The following NHSL1 variants were observed in gnomAD, a reference collection of about 807,000 sequenced individuals.
NHSL1 encodes NHS-like protein 1.
Under a neutral mutation model 95.0 loss-of-function variants are expected in NHSL1, and 48 were observed. The ratio of observed to expected loss-of-function variants is 0.51; its 90% CI spans 0.40 to 0.64. NHSL1 has a LOEUF of 0.64. Among genes scored for constraint, NHSL1 ranks in the 30% least tolerant of loss-of-function variants. The pLI is 0.00. For missense variants in NHSL1, 1,971 were observed against 2,077.7 expected (o/e 0.95, Z 1.00); for synonymous variants, 783 against 833.9 (o/e 0.94, Z 1.05).
chr6:138,651,926 A>C (rs1243033622), intron 1 of NHSL1, among the ~76,000 whole-genome samples: 4 of 152,200 alleles, frequency 2.6e-5, no homozygotes, highest in Non-Finnish European at 5.9e-5. Flanking sequence ...CCTAAATTTA[A>C]AGTAACACAA....
At chr6:138,653,086 T>C (rs531765330) in intron 1 of NHSL1, among the ~76,000 whole-genome samples, 67 of 152,336 alleles carry the variant, frequency 4.4e-4, no homozygotes, top group African/African-American at 1.5e-3. Context: ...AGAGTCAAGT[T>C]CAGTAACTGC....
At chr6:138,482,488 C>G in intron 2 of NHSL1, among the ~76,000 whole-genome samples, 1 of 149,068 alleles carries the variant, frequency 6.7e-6, no homozygotes, top group East Asian at 2.0e-4. Context: ...GTTATCTAGA[C>G]TTATACCACC....
chr6:138,553,017 C>T (rs890594985), intron 1 of NHSL1, among the ~76,000 whole-genome samples: 7 of 152,060 alleles, frequency 4.6e-5, no homozygotes, highest in Non-Finnish European at 1.0e-4. Flanking sequence ...ACCTTCACAC[C>T]TATTACATCT....
chr6:138,432,936 T>C lies in NHSL1; in HGVS notation c.1409A>G (p.His470Arg), dbSNP rs1254278825. 2 of 1,551,410 alleles carry C rather than the reference T, an allele frequency of 1.3e-6. No homozygotes were observed. The highest frequency in any genetic ancestry group is 1.7e-4 in the Middle Eastern group (1 of 5,990). ...VKGDPQSPGR[H>R]WNEGHATILS... ...AATGGTGGCATGGCCCTCATTCCAGTGGCGACCGGGAGACTGAGGATCACC... is the reference window on the plus strand; with the variant it reads ...AATGGTGGCATGGCCCTCATTCCAGCGGCGACCGGGAGACTGAGGATCACC... Residue 470 changes from histidine (H) to arginine (R), a missense_variant, in exon 6 of 8, where the codon CAC becomes CGC. His to Arg is a conservative substitution (Grantham distance 29). Transcript: ENST00000343505. This position sits in a 1 kb window ranked among gnomAD's most constrained non-coding sequence, Gnocchi z 4.4.
At chr6:138,629,436 G>T (rs1784787541) in intron 1 of NHSL1, among the ~76,000 whole-genome samples, 1 of 150,894 alleles carries the variant, frequency 6.6e-6, no homozygotes, top group Non-Finnish European at 1.5e-5. Context: ...AGGCTGGAGT[G>T]CAGTGTCGCG....
At chr6:138,478,012 CTTTTTTTTTTT>C (rs71009589) in intron 2 of NHSL1, among the ~76,000 whole-genome samples, 8 of 30,016 alleles carry the variant, frequency 2.7e-4, no homozygotes, top group South Asian at 1.2e-3. Context: ...ATTTATGTCA[CTTTTTTTTTTT>C]TTTTTTTTTT....
At chr6:138,655,537 C>T (rs776277436) in intron 1 of NHSL1, among the ~76,000 whole-genome samples, 1 of 152,188 alleles carries the variant, frequency 6.6e-6, no homozygotes, top group Admixed American at 6.5e-5. Flanking sequence ...AGACACCTAA[C>T]TTGGCATGAC....
At chr6:138,607,000 G>A (rs370964961) in intron 1 of NHSL1, among the ~76,000 whole-genome samples, 13 of 152,050 alleles carry the variant, frequency 8.5e-5, no homozygotes, top group Admixed American at 6.6e-4. Flanking sequence ...CTCCACGCCC[G>A]GCCCCCATGC....
chr6:138,670,751 A>T (rs1225267008), intron 1 of NHSL1, among the ~76,000 whole-genome samples: 1 of 152,138 alleles, frequency 6.6e-6, no homozygotes, highest in Non-Finnish European at 1.5e-5. Context: ...GCAGGATGTT[A>T]TATAAAAGAA....
intron 1 of NHSL1, among the ~76,000 whole-genome samples, chr6:138,621,489 C>T (rs1415888769): frequency 2.0e-5 from 3 of 151,084 alleles, no homozygotes; most frequent in Non-Finnish European, 2.9e-5. Context: ...TTTTTTCCCC[C>T]CAAGATGTAG....
At chr6:138,599,648 T>A (rs1008614204) in intron 1 of NHSL1, among the ~76,000 whole-genome samples, 2 of 152,184 alleles carry the variant, frequency 1.3e-5, no homozygotes, top group Non-Finnish European at 2.9e-5. Context: ...AGTTTCTCAT[T>A]CAGTGCTTGA....
chr6:138,527,770 C>T (rs995195620), intron 1 of NHSL1, among the ~76,000 whole-genome samples: 2 of 152,174 alleles, frequency 1.3e-5, no homozygotes. Context: ...TTAACAGTTC[C>T]TGGGTCTAGC....
intron 1 of NHSL1, among the ~76,000 whole-genome samples, chr6:138,596,168 ATC>A (rs1489760047): frequency 3.3e-5 from 5 of 152,182 alleles, no homozygotes; most frequent in Non-Finnish European, 7.3e-5. Context: ...AGGAGGCAGA[ATC>A]TACCTCTGCC....
chr6:138,590,027 T>A (rs1187659307), intron 1 of NHSL1, among the ~76,000 whole-genome samples: 2 of 152,234 alleles, frequency 1.3e-5, no homozygotes, highest in African/African-American at 4.8e-5. Context: ...AGACAGGGTC[T>A]CACTCTGTTG....
chr6:138,517,722 G>GT (rs1781513135), intron 1 of NHSL1, among the ~76,000 whole-genome samples: 1 of 152,224 alleles, frequency 6.6e-6, no homozygotes, highest in African/African-American at 2.4e-5. Flanking sequence ...AGCCAGGACT[G>GT]TAACAGTGAA....
intron 1 of NHSL1, among the ~76,000 whole-genome samples, chr6:138,602,121 T>G (rs1194905954): frequency 2.0e-5 from 3 of 152,226 alleles, no homozygotes; most frequent in African/African-American, 7.2e-5. Context: ...CACTATCAAT[T>G]TACTAAAAGT....
rs139005072 is a variant in NHSL1 at position 138,657,898 on chromosome 6, A to G, written c.96+34578T>C. 4.5e-3 allele frequency among the ~76,000 whole-genome samples: 671 copies of G among 150,576 alleles called. 13 individuals carry two copies. In the East Asian group the frequency reaches 0.073, roughly 16 times the overall value. Reference sequence around the variant, plus strand: ...AAAACAACTGCCAAAAAAAGTTTTAAGATATAATTAAATATAAGATTTAAT... The same window carrying G: ...AAAACAACTGCCAAAAAAAGTTTTAGGATATAATTAAATATAAGATTTAAT... On this transcript the variant is annotated intron_variant, in intron 1 of 3. Coordinates refer to the NHSL1 transcript ENST00000491526.
At chr6:138,453,723 A>C (rs1279984989) in intron 3 of NHSL1, among the ~76,000 whole-genome samples, 1 of 150,850 alleles carries the variant, frequency 6.6e-6, no homozygotes, top group Non-Finnish European at 1.5e-5. Context: ...ATTTTTGAAA[A>C]CTTTCTGTAG....
At chr6:138,545,752 G>T, upstream of NHSL1, 1 of 1,215,756 alleles carries the variant, frequency 8.2e-7, no homozygotes, top group South Asian at 1.5e-5. Flanking sequence ...GAGCGGGGCG[G>T]CCAGCCAGCG....
Sources: allele counts gnomAD v4.1 joint callset (sites outside exome capture counted in the v4.1 genomes callset), GRCh38; gene constraint gnomAD v4.1.1; non-coding constraint Gnocchi (gnomAD v3.1); transcripts MANE v1.5; gene names NCBI Gene and HGNC (gene_info 2026-07-23, HGNC 2026-07-21).